Variants in WWC1 observed in about 807,000 individuals in gnomAD.
WWC1 encodes the protein protein KIBRA.
Under a neutral mutation model 138.4 loss-of-function variants are expected in WWC1, and 55 were observed. The observed-to-expected ratio is 0.40, with a 90% CI of 0.32 to 0.50. WWC1 has a LOEUF of 0.50. Among genes scored for constraint, WWC1 ranks in the 20% least tolerant of loss-of-function variants. The pLI, the probability that WWC1 is intolerant of heterozygous loss-of-function variation, is 0.72. For synonymous variants in WWC1, 524 were observed against 564.9 expected (o/e 0.93, Z 1.03); for missense variants, 1,226 against 1,420.4 (o/e 0.86, Z 2.20).
At chr5:168,373,033 G>C (rs1426914918) in intron 2 of WWC1, among the ~76,000 whole-genome samples, 1 of 152,206 alleles carries the variant, frequency 6.6e-6, no homozygotes, top group Non-Finnish European at 1.5e-5. Context: ...TGCATTGTTG[G>C]GGGTAGCAAA....
At chr5:168,364,451 G>A (rs773682932) in intron 1 of WWC1, among the ~76,000 whole-genome samples, 4 of 152,268 alleles carry the variant, frequency 2.6e-5, no homozygotes, top group Middle Eastern at 3.4e-3. Context: ...CTCAGGCCGC[G>A]GGTAGCGTTA....
rs549107271 is a variant in WWC1 at position 168,325,324 on chromosome 5, G to A, written c.119+33053G>A. On this transcript the variant is annotated intron_variant, in intron 1 of 22. Transcript: ENST00000265293. ...CCAGTCAGGACTTGGGGCCATGCTC[G>A]CTGAGATTGGCAGGGGCTGGGGTCC... 4.3e-4 allele frequency among the ~76,000 whole-genome samples: 66 copies of A among 152,296 alleles called. 1 individual carries two copies. The highest frequency in any genetic ancestry group is 6.8e-3 in the Middle Eastern group (2 of 294).
At chr5:168,433,753 A>T (rs936757259) in intron 15 of WWC1, among the ~76,000 whole-genome samples, 2 of 151,982 alleles carry the variant, frequency 1.3e-5, no homozygotes, top group Admixed American at 6.6e-5. Flanking sequence ...GGCCAGGCTG[A>T]TCTTGAACTC....
intron 9 of WWC1, among the ~76,000 whole-genome samples, chr5:168,421,674 C>G (rs79670903): frequency 0.022 from 3,399 of 152,176 alleles, 60 homozygotes; most frequent in African/African-American, 0.042. Flanking sequence ...GCCACTAATT[C>G]CACAGCTTTA....
At position 168,408,640 on chromosome 5, in the gene WWC1, A is replaced by G; in HGVS notation, c.854A>G (p.Asp285Gly). The G allele has an allele frequency of 1.9e-6, 3 of 1,614,126 alleles. No homozygotes were observed. Among genetic ancestry groups the G allele is most frequent in the Non-Finnish European group, 2.5e-6 (3 of 1,180,000 alleles). Residue 285 changes from aspartate to glycine, a missense_variant, in exon 7 of 23, where the codon GAC (aspartate) becomes GGC (glycine). Physicochemically the swap from Asp to Gly is moderately conservative, Grantham distance 94. Transcript: ENST00000265293. ...KQYLDVSSQT[D>G]ISGSFGINSN... ...TACCTGGATGTGAGCTCCCAGACAG[A>G]CATCTCGGGAAGCGTGAGTAGACGG...
At chr5:168,320,594 ATG>A (rs1214629626) in intron 1 of WWC1, among the ~76,000 whole-genome samples, 2 of 152,176 alleles carry the variant, frequency 1.3e-5, no homozygotes, top group African/African-American at 4.8e-5. Context: ...GTCCCATAAC[ATG>A]TGTAAGACTC....
chr5:168,468,881 T>C (rs1453718607), intron 22 of WWC1, 70 bp from the exon 23 acceptor site: 1 of 1,554,312 alleles, frequency 6.4e-7, no homozygotes, highest in Non-Finnish European at 8.9e-7. Flanking sequence ...CGACAAAGAA[T>C]TATCCTGCCC....
At chr5:168,296,275 G>A (rs1769532997) in intron 1 of WWC1, among the ~76,000 whole-genome samples, 1 of 152,158 alleles carries the variant, frequency 6.6e-6, no homozygotes, top group African/African-American at 2.4e-5. Flanking sequence ...GCAGTTTCTG[G>A]GTCTGTATGG....
intron 1 of WWC1, among the ~76,000 whole-genome samples, chr5:168,295,648 C>T (rs972280719): frequency 3.9e-5 from 6 of 152,068 alleles, no homozygotes; most frequent in African/African-American, 1.4e-4. Flanking sequence ...GACAAAATAG[C>T]GTCTCTGGTT....
intron 18 of WWC1, among the ~76,000 whole-genome samples, chr5:168,454,750 A>G (rs547414781): frequency 1.1e-4 from 17 of 152,288 alleles, no homozygotes; most frequent in Non-Finnish European, 2.4e-4. Context: ...AGGGGGCATC[A>G]TTTTGCAATT....
chr5:168,351,144 C>CA (rs959882089), intron 1 of WWC1, among the ~76,000 whole-genome samples: 8,283 of 105,336 alleles, frequency 0.079, 360 homozygotes, highest in African/African-American at 0.17. Context: ...GACCTTGTCT[C>CA]AAAAAAAAAA....
intron 1 of WWC1, among the ~76,000 whole-genome samples, chr5:168,314,978 C>G (rs954057238): frequency 1.3e-5 from 2 of 152,150 alleles, no homozygotes; most frequent in Admixed American, 6.5e-5. Context: ...AACACTCCCC[C>G]GCCCGTCTCA....
In WWC1 at chr5:168,469,148, G is replaced by A. The variant is rs1757556800; in HGVS notation, c.*131G>A. Reference sequence around the variant, plus strand: ...CTAGTGCTCTTGTTGGTTTGAAGATGAACCGACTTTTTAGTTTGGGTCCTA... The same window carrying A: ...CTAGTGCTCTTGTTGGTTTGAAGATAAACCGACTTTTTAGTTTGGGTCCTA... On this transcript the variant is annotated 3_prime_UTR_variant, in exon 23 of 23. Coordinates refer to ENST00000265293, the MANE Select transcript of WWC1 (RefSeq NM_015238.3). 6 of 1,071,966 alleles carry A rather than the reference G, an allele frequency of 5.6e-6. No individual in the cohort carries two copies. The highest frequency in any genetic ancestry group is 8.2e-6 in the Non-Finnish European group (6 of 732,366). 66.4% of individuals were successfully genotyped at this position (1,071,966 alleles called of 1,614,324 possible).
intron 1 of WWC1, among the ~76,000 whole-genome samples, chr5:168,293,690 T>A (rs1769272258): frequency 6.6e-6 from 1 of 152,200 alleles, no homozygotes; most frequent in Non-Finnish European, 1.5e-5. Context: ...ACCATTTCCC[T>A]GAATTTAAAA....
chr5:168,468,328 C>G (rs1429723257), intron 22 of WWC1, among the ~76,000 whole-genome samples: 1 of 151,956 alleles, frequency 6.6e-6, no homozygotes, highest in African/African-American at 2.4e-5. Context: ...CTGGCTCTGC[C>G]TGCCACCTGC....
chr5:168,408,630 T>C lies in WWC1; in HGVS notation c.844T>C (p.Ser282Pro), dbSNP rs1317207761. 1 of 1,614,096 alleles carries C rather than the reference T, an allele frequency of 6.2e-7. No homozygotes were observed. Among genetic ancestry groups the C allele is most frequent in the Non-Finnish European group, 8.5e-7 (1 of 1,179,998 alleles). The part of the protein sequence containing the change: ...PLPKQYLDVS[S>P]QTDISGSFGI... ...ACCGAAACAGTACCTGGATGTGAGC[T>C]CCCAGACAGACATCTCGGGAAGCGT... Residue 282 changes from serine (S) to proline (P), a missense_variant, in exon 7 of 23, where the codon TCC becomes CCC. Coordinates refer to ENST00000265293, the MANE Select transcript of WWC1 (RefSeq NM_015238.3).
At chr5:168,332,558 G>A (rs1342419883) in intron 1 of WWC1, among the ~76,000 whole-genome samples, 1 of 152,162 alleles carries the variant, frequency 6.6e-6, no homozygotes, top group Non-Finnish European at 1.5e-5. Flanking sequence ...TAGTGTACCT[G>A]CTGATATGTC....
intron 1 of WWC1, among the ~76,000 whole-genome samples, chr5:168,301,570 G>A (rs965735903): frequency 6.6e-6 from 1 of 151,800 alleles, no homozygotes; most frequent in South Asian, 2.1e-4. Context: ...CCTGGGAGAC[G>A]GAGGTTGCAG....
rs1781297137 is a variant in WWC1 at position 168,423,662 on chromosome 5, C to T, written c.1404C>T (p.Asp468=). The change falls in exon 11 of 23, where the codon GAC becomes GAT. Residue 468 remains aspartate (D), a synonymous_variant. Transcript: ENST00000265293. ...TSASFTDLYY[D]PFEQLDSELQ... ...CCAGCTTCACTGACCTCTACTATGACCCCTTTGAGCAGCTGGACTCAGAGC... is the reference window on the plus strand; with the variant it reads ...CCAGCTTCACTGACCTCTACTATGATCCCTTTGAGCAGCTGGACTCAGAGC... The T allele has an allele frequency of 6.2e-7, 1 of 1,614,192 alleles. No homozygotes were observed. The highest frequency in any genetic ancestry group is 8.5e-7 in the Non-Finnish European group (1 of 1,180,040).
Sources: gnomAD v4.1 joint callset for allele counts (sites outside exome capture counted in the v4.1 genomes callset) on GRCh38, gnomAD v4.1.1 for gene constraint, MANE v1.5 for transcripts, NCBI Gene and HGNC (gene_info 2026-07-23, HGNC 2026-07-21) for gene names.